BCORL1: variants seen among roughly 807,000 people sequenced by gnomAD.
The protein encoded by BCORL1 is BCL6 corepressor like 1.
Under a neutral mutation model 87.6 loss-of-function variants are expected in BCORL1, and 7 were observed. The ratio of observed to expected loss-of-function variants is 0.08; its 90% confidence interval spans 0.05 to 0.15. The LOEUF is 0.15. Among genes scored for constraint, BCORL1 ranks in the 10% least tolerant of loss-of-function variants. BCORL1 has a pLI of 1.00. For synonymous variants in BCORL1, 591 were observed against 634.4 expected, an observed-to-expected ratio of 0.93 and a Z score of 1.03; for missense variants, 1,215 against 1,499.7, an observed-to-expected ratio of 0.81 and a Z score of 3.13.
At chrX:130,048,255 T>TG (rs760056610) in intron 11 of BCORL1, among the ~76,000 whole-genome samples, 1 of 112,414 alleles carries the variant, frequency 8.9e-6, no homozygotes, top group African/African-American at 3.2e-5. Context: ...TGCTTCGCAC[T>TG]GGGGGAAACT....
At chrX:130,010,876 T>C (rs1233092881) in intron 2 of BCORL1, among the ~76,000 whole-genome samples, 1 of 107,805 alleles carries the variant, frequency 9.3e-6, no homozygotes, top group Non-Finnish European at 1.9e-5. Flanking sequence ...AGCATGCCTA[T>C]AATTCTGGCT....
In BCORL1 at chrX:130,025,125, C is replaced by G. The variant is rs759677518; in HGVS notation, c.3824C>G (p.Thr1275Ser). Residue 1275 changes from threonine to serine, a missense_variant, in exon 7 of 14, where the codon ACC (threonine) becomes AGC (serine). By Grantham distance (58) the Thr-to-Ser change is moderately conservative (BLOSUM62 1). Transcript: ENST00000540052. The stretch of plus-strand genomic sequence containing the variant: ...AAGGTGAGAAAGACCCAACGGGACA[C>G]CCAGTATCGCAGCCACCATGCCCAG... The part of the protein sequence containing the change: ...RRKVRKTQRD[T>S]QYRSHHAQDK... 12 of 1,211,866 alleles carry G rather than the reference C, an allele frequency of 9.9e-6. No individual in the cohort carries two copies. In the South Asian group the frequency reaches 1.4e-4, roughly 14 times the overall value.
At chrX:130,043,762 ATATATATATATATATATATATATTTTTT>A (rs1474774883) in intron 11 of BCORL1, among the ~76,000 whole-genome samples, 1 of 14,366 alleles carries the variant, frequency 7.0e-5, no homozygotes, top group African/African-American at 5.8e-4. Context: ...ATATATATAT[ATATATATATATATATATATATATTTTTT>A]TTTTTTTTTT....
intron 5 of BCORL1, among the ~76,000 whole-genome samples, chrX:130,022,236 C>CTTTTTTTTTTTTTT (rs34598574): frequency 8.9e-5 from 5 of 56,335 alleles, no homozygotes; most frequent in African/African-American, 2.3e-4. Context: ...TTCTTTCTTT[C>CTTTTTTTTTTTTTT]TTTTTTTTTT....
Position 130,035,649 on chromosome X carries a change from C to T in BCORL1, c.4527+973C>T, listed in dbSNP as rs146671422. Among the ~76,000 whole-genome samples, 769 of 112,323 alleles carry T rather than the reference C, an allele frequency of 6.8e-3. 3 individuals are homozygous for T. The highest frequency in any genetic ancestry group is 0.011 in the Non-Finnish European group (595 of 53,209). On this transcript the variant is annotated intron_variant, in intron 9 of 13. Transcript: ENST00000540052. ...TGGCAAGCAGCCCATCTTTCATGAG[C>T]ACCTAGTGTGCGTGCCTGGATAGCT...
intron 2 of BCORL1, among the ~76,000 whole-genome samples, chrX:130,007,773 G>C (rs1018623771): frequency 1.3e-3 from 148 of 111,912 alleles, no homozygotes; most frequent in African/African-American, 4.3e-3. Flanking sequence ...ACTCCAACCG[G>C]GGTGACAGAG....
rs780181073 is a variant in BCORL1, at chrX:130,057,476, T to A, written c.*1340T>A. 1 of 112,142 alleles carries A rather than the reference T, an allele frequency of 8.9e-6. No individual in the cohort carries two copies. The highest frequency in any genetic ancestry group is 2.8e-4 in the East Asian group (1 of 3,566). The allele number at this position is 112,142 out of a possible 1,213,427, so 9.2% of individuals were successfully genotyped here. On this transcript the variant is annotated 3_prime_UTR_variant, in exon 14 of 14. Transcript: ENST00000540052. ...TCTGTGGCATTGTCCCTCCCACTCT[T>A]ATTTTTCTACCAATTGCTATTTTTC...
rs188957722 is a variant in BCORL1, at chrX:130,014,513, G to T, written c.1741G>T (p.Ala581Ser). Reference sequence around the variant, plus strand: ...TGGGAGCTCAGCCCCACCGCACCCCGCCAAGATGCCCAGTGGCACCGAGCA... The same window carrying T: ...TGGGAGCTCAGCCCCACCGCACCCCTCCAAGATGCCCAGTGGCACCGAGCA... ...PSGSSAPPHP[A>S]KMPSGTEQQT... Residue 581 changes from alanine to serine, a missense_variant, in exon 4 of 14, where the codon GCC (alanine) becomes TCC (serine). Ala to Ser is a moderately conservative substitution (Grantham distance 99). Coordinates refer to ENST00000540052, the MANE Select transcript of BCORL1 (RefSeq NM_001379451.1). The T allele has an allele frequency of 5.0e-6, 6 of 1,209,277 alleles. No individual in the cohort carries two copies. The highest frequency in any genetic ancestry group is 3.0e-5 in the East Asian group (1 of 33,720).
intron 1 of BCORL1, among the ~76,000 whole-genome samples, chrX:129,989,879 G>A (rs774486327): frequency 1.7e-4 from 19 of 110,072 alleles, no homozygotes; most frequent in Non-Finnish European, 3.4e-4. Flanking sequence ...TCCACCTCCC[G>A]GCTTCAAGCG....
intron 11 of BCORL1, among the ~76,000 whole-genome samples, chrX:130,050,007 G>A (rs970746002): frequency 2.7e-5 from 3 of 111,494 alleles, no homozygotes; most frequent in Non-Finnish European, 5.6e-5. Flanking sequence ...CCCAGCCCGC[G>A]TGTGTCCCTG....
At chrX:130,041,287 A>G (rs1208131365) in intron 11 of BCORL1, among the ~76,000 whole-genome samples, 2 of 102,678 alleles carry the variant, frequency 1.9e-5, no homozygotes, top group Non-Finnish European at 3.8e-5. Flanking sequence ...TCAAAAAAAA[A>G]AAAAAAAAAA....
intron 1 of BCORL1, among the ~76,000 whole-genome samples, chrX:129,993,744 TC>T (rs1478210132): frequency 8.9e-6 from 1 of 112,437 alleles, no homozygotes; most frequent in Non-Finnish European, 1.9e-5. Flanking sequence ...ACTACTTCAT[TC>T]TTGGAATAGA....
intron 5 of BCORL1, among the ~76,000 whole-genome samples, chrX:130,022,473 C>T (rs1459362929): frequency 9.2e-6 from 1 of 109,244 alleles, no homozygotes; most frequent in Non-Finnish European, 1.9e-5. Context: ...GGCTCGATCT[C>T]CTGACCTCAG....
chrX:130,054,770 G>A (rs1299280702), intron 13 of BCORL1, among the ~76,000 whole-genome samples: 1 of 110,733 alleles, frequency 9.0e-6, no homozygotes, highest in Non-Finnish European at 1.9e-5. Context: ...AATTAGCCAG[G>A]CGTGGTCGTG....
intron 6 of BCORL1, 26 bp from the exon 7 acceptor site, chrX:130,024,964 C>T: frequency 8.3e-7 from 1 of 1,199,514 alleles, no homozygotes; most frequent in Non-Finnish European, 1.1e-6. Flanking sequence ...AAGTACCTGA[C>T]CATCCTCTGT....
At chrX:129,986,229 A>C (rs1174740989) in intron 1 of BCORL1, among the ~76,000 whole-genome samples, 1 of 111,745 alleles carries the variant, frequency 8.9e-6, no homozygotes, top group Non-Finnish European at 1.9e-5. Context: ...AGGGACAGCA[A>C]ATTTTTAGAA....
At chrX:130,055,147 T>C (rs980432421) in intron 13 of BCORL1, among the ~76,000 whole-genome samples, 2 of 111,920 alleles carry the variant, frequency 1.8e-5, no homozygotes, top group Non-Finnish European at 3.8e-5. Context: ...TGTAAGCGTT[T>C]GGCCCGGGAT....
intron 8 of BCORL1, among the ~76,000 whole-genome samples, chrX:130,029,808 G>A (rs901360403): frequency 3.7e-5 from 4 of 109,343 alleles, no homozygotes; most frequent in African/African-American, 6.7e-5. Flanking sequence ...CCACCACCAC[G>A]CCCGGCTAAT....
At chrX:130,043,783 TA>T (rs1420940928) in intron 11 of BCORL1, among the ~76,000 whole-genome samples, 40 of 21,834 alleles carry the variant, frequency 1.8e-3, no homozygotes, top group Non-Finnish European at 2.3e-3. Context: ...TATATATATA[TA>T]TTTTTTTTTT....
Sources: allele counts gnomAD v4.1 joint callset (sites outside exome capture counted in the v4.1 genomes callset), GRCh38; gene constraint gnomAD v4.1.1; transcripts MANE v1.5; gene names NCBI Gene and HGNC (gene_info 2026-07-23, HGNC 2026-07-21).